B3GLCT: variants seen among roughly 807,000 people sequenced by gnomAD.
The protein encoded by B3GLCT is beta 3-glucosyltransferase.
B3GLCT carries 65 observed loss-of-function variants against 63.4 expected under a neutral mutation model. The observed-to-expected ratio is 1.03, with a 90% CI of 0.84 to 1.26. The LOEUF (loss-of-function observed/expected upper bound fraction) is 1.26. Among genes scored for constraint, B3GLCT ranks in the 50% most tolerant of loss-of-function variants. The probability of loss-of-function intolerance (pLI) is 0.00; values close to 1 mark genes in which losing one functional copy is unlikely to be tolerated. For missense variants in B3GLCT, 577 were observed against 604.8 expected (o/e 0.95, Z 0.48); for synonymous variants, 233 against 219.2 (o/e 1.06, Z -0.55).
At chr13:31,277,089 G>T (rs1375859485) in intron 10 of B3GLCT, among the ~76,000 whole-genome samples, 9 of 152,184 alleles carry the variant, frequency 5.9e-5, no homozygotes, top group Non-Finnish European at 1.3e-4. Flanking sequence ...GTCAAACAAT[G>T]TATTAGGTCT....
At chr13:31,286,910 A>AT in intron 12 of B3GLCT, 91 bp downstream of exon 12, 1 of 844,732 alleles carries the variant, frequency 1.2e-6, no homozygotes, top group Non-Finnish European at 1.9e-6. Flanking sequence ...GCCAAGATGA[A>AT]GTAACGGGGA....
At chr13:31,283,115 G>A (rs566799462) in intron 10 of B3GLCT, 20 of 152,164 alleles carry the variant, frequency 1.3e-4, no homozygotes, top group Non-Finnish European at 2.1e-4. Flanking sequence ...CTATTAGAGC[G>A]AAAAAGGACT....
At chr13:31,315,028 A>G (rs917125298) in intron 12 of B3GLCT, among the ~76,000 whole-genome samples, 1 of 152,186 alleles carries the variant, frequency 6.6e-6, no homozygotes, top group Non-Finnish European at 1.5e-5. Context: ...GCCCTCTGCC[A>G]TAATTGTGAG....
chr13:31,246,985 C>A, intron 4 of B3GLCT, 38 bp from the exon 5 acceptor site: 30 of 1,159,320 alleles, frequency 2.6e-5, no homozygotes, highest in South Asian at 4.4e-5. Context: ...TCGGAGTAGT[C>A]AATTCATACT....
intron 1 of B3GLCT, 22 bp from the exon 2 acceptor site, chr13:31,215,028 AT>A: frequency 6.8e-7 from 1 of 1,478,490 alleles, no homozygotes; most frequent in East Asian, 2.4e-5. Flanking sequence ...AGGTAGAAAT[AT>A]TTCTTTTTTT....
At chr13:31,276,986 C>A (rs1872825376) in intron 10 of B3GLCT, among the ~76,000 whole-genome samples, 3 of 152,064 alleles carry the variant, frequency 2.0e-5, no homozygotes, top group Admixed American at 2.0e-4. Flanking sequence ...CGTGAGTGGT[C>A]ATAGCCGATA....
intron 3 of B3GLCT, among the ~76,000 whole-genome samples, chr13:31,228,413 C>G (rs1267398132): frequency 2.6e-5 from 4 of 152,182 alleles, no homozygotes; most frequent in African/African-American, 9.7e-5. Context: ...CAAAGTACCA[C>G]AAAACGTGGC....
chr13:31,208,523 C>T (rs1370565989), intron 1 of B3GLCT, among the ~76,000 whole-genome samples: 1 of 151,938 alleles, frequency 6.6e-6, no homozygotes, highest in African/African-American at 2.4e-5. Flanking sequence ...CACGTGCTAC[C>T]CTCCTTTATT....
At chr13:31,260,577 T>A (rs1407111074) in intron 6 of B3GLCT, 3 of 164,072 alleles carry the variant, frequency 1.8e-5, no homozygotes, top group Admixed American at 1.2e-4. Context: ...CTGAAAGGAA[T>A]TTTTCAAATT....
chr13:31,253,936 A>C (rs897246008), intron 6 of B3GLCT, among the ~76,000 whole-genome samples: 5 of 152,366 alleles, frequency 3.3e-5, no homozygotes, highest in African/African-American at 1.2e-4. Context: ...AAAATCTAGA[A>C]AAAATGGATA....
At chr13:31,320,227 C>T (rs1284980822) in intron 13 of B3GLCT, among the ~76,000 whole-genome samples, 1 of 152,098 alleles carries the variant, frequency 6.6e-6, no homozygotes, top group Non-Finnish European at 1.5e-5. Flanking sequence ...GAGTGTGAAC[C>T]TTTTTCTACT....
intron 12 of B3GLCT, among the ~76,000 whole-genome samples, chr13:31,308,896 G>T (rs1450380032): frequency 6.6e-6 from 1 of 152,196 alleles, no homozygotes; most frequent in Non-Finnish European, 1.5e-5. Context: ...TGAAATCTAA[G>T]TTTGGTGTAT....
intron 11 of B3GLCT, among the ~76,000 whole-genome samples, chr13:31,285,206 G>T (rs188598710): frequency 1.2e-4 from 19 of 152,238 alleles, no homozygotes; most frequent in African/African-American, 4.3e-4. Flanking sequence ...TTAGTAAATT[G>T]TTGGAAATAA....
At chr13:31,205,004 A>G (rs1043090570) in intron 1 of B3GLCT, among the ~76,000 whole-genome samples, 7 of 152,220 alleles carry the variant, frequency 4.6e-5, no homozygotes, top group African/African-American at 1.4e-4. Flanking sequence ...TTTTAAGTGT[A>G]TAGTTCTATG....
intron 6 of B3GLCT, among the ~76,000 whole-genome samples, chr13:31,248,414 A>G (rs1871288489): frequency 6.6e-6 from 1 of 152,232 alleles, no homozygotes; most frequent in Non-Finnish European, 1.5e-5. Context: ...TGTGGGTGGC[A>G]CAGAATAGCA....
intron 4 of B3GLCT, among the ~76,000 whole-genome samples, chr13:31,232,487 G>C (rs1870431203): frequency 6.6e-6 from 1 of 152,256 alleles, no homozygotes; most frequent in African/African-American, 2.4e-5. Context: ...CTCTCCTCAC[G>C]ACAGTACCAA....
chr13:31,226,590 A>C (rs1157560566), intron 3 of B3GLCT, among the ~76,000 whole-genome samples: 1 of 151,908 alleles, frequency 6.6e-6, no homozygotes, highest in African/African-American at 2.4e-5. Context: ...CGCAGGATTA[A>C]GCTTTTTTTT....
intron 13 of B3GLCT, among the ~76,000 whole-genome samples, chr13:31,322,710 GT>G (rs1458226623): frequency 4.6e-5 from 7 of 152,070 alleles, no homozygotes; most frequent in Admixed American, 6.5e-5. Flanking sequence ...TATAAAGTTA[GT>G]TTTTCAGAGA....
At chr13:31,277,389 TAA>T (rs796656819) in intron 10 of B3GLCT, among the ~76,000 whole-genome samples, 4 of 144,100 alleles carry the variant, frequency 2.8e-5, no homozygotes, top group African/African-American at 5.0e-5. Context: ...GACGATAATG[TAA>T]AAAAAAAAAG....
Sources: allele counts gnomAD v4.1 joint callset (sites outside exome capture counted in the v4.1 genomes callset), GRCh38; gene constraint gnomAD v4.1.1; transcripts MANE v1.5; gene names NCBI Gene and HGNC (gene_info 2026-07-23, HGNC 2026-07-21).